Variants in SLC6A17 observed in about 807,000 individuals in gnomAD.
SLC6A17 encodes solute carrier family 6 member 17.
In SLC6A17, 21 loss-of-function variants were observed where a neutral mutation model predicts 64.5. The ratio of observed to expected loss-of-function variants is 0.33; its 90% CI spans 0.23 to 0.47. The LOEUF is 0.47. Ranked by LOEUF, SLC6A17 falls within the 20% of genes least tolerant of loss-of-function variation. The probability of loss-of-function intolerance (pLI) is 1.00; values close to 1 mark genes in which losing one functional copy is unlikely to be tolerated. For missense variants in SLC6A17, 682 were observed against 963.2 expected (o/e 0.71, Z 3.86); for synonymous variants, 372 against 399.5 (o/e 0.93, Z 0.82).
At chr1:110,177,846 C>T (rs1656412884) in intron 6 of SLC6A17, 1 of 152,274 alleles carries the variant, frequency 6.6e-6, no homozygotes, top group Non-Finnish European at 1.5e-5. Context: ...CTCCTGATGT[C>T]TCAGGGGTAG....
At chr1:110,181,295 A>G (rs1656516037) in intron 6 of SLC6A17, among the ~76,000 whole-genome samples, 1 of 152,250 alleles carries the variant, frequency 6.6e-6, no homozygotes, top group African/African-American at 2.4e-5. Context: ...CAGCCCAGCA[A>G]TTTAACTTCT....
intron 1 of SLC6A17, among the ~76,000 whole-genome samples, chr1:110,151,540 G>T (rs1414961129): frequency 6.6e-6 from 1 of 152,196 alleles, no homozygotes; most frequent in Non-Finnish European, 1.5e-5. Flanking sequence ...CGCCGTCCTG[G>T]CGGGTCGAGA....
In SLC6A17 at chr1:110,198,535, C is replaced by G; in HGVS notation, c.*91C>G. The G allele has an allele frequency of 6.6e-7, 1 of 1,513,404 alleles. No homozygotes were observed. Among genetic ancestry groups the G allele is most frequent in the Non-Finnish European group, 8.8e-7 (1 of 1,136,964 alleles). The allele number at this position is 1,513,404 out of a possible 1,614,324, so 93.7% of individuals were successfully genotyped here. ...TCTTTCTTGAGGTGGCCACCAGGCCCAGGCCAGGCCCTTTGCCCAAGAAGA... is the reference window on the plus strand; with the variant it reads ...TCTTTCTTGAGGTGGCCACCAGGCCGAGGCCAGGCCCTTTGCCCAAGAAGA... On this transcript the variant is annotated 3_prime_UTR_variant, in exon 12 of 12. Coordinates refer to ENST00000331565, the MANE Select transcript of SLC6A17 (RefSeq NM_001010898.4).
intron 6 of SLC6A17, chr1:110,178,766 T>C (rs1401826770): frequency 6.6e-6 from 1 of 152,208 alleles, no homozygotes; most frequent in East Asian, 1.9e-4. Context: ...CCTCTTTTTA[T>C]AGGGGCACTA....
chr1:110,189,479 C>T (rs1656771018), intron 6 of SLC6A17, among the ~76,000 whole-genome samples: 1 of 152,198 alleles, frequency 6.6e-6, no homozygotes, highest in Non-Finnish European at 1.5e-5. Flanking sequence ...AGCCACTGTC[C>T]CCTCCAGCCT....
At chr1:110,183,298 T>C (rs1362085758) in intron 6 of SLC6A17, among the ~76,000 whole-genome samples, 3 of 152,226 alleles carry the variant, frequency 2.0e-5, no homozygotes, top group Admixed American at 6.5e-5. Flanking sequence ...TAAAAAGGAA[T>C]GAGGCAGTGA....
chr1:110,188,048 CTATT>C (rs1462933314), intron 6 of SLC6A17, among the ~76,000 whole-genome samples: 1 of 152,182 alleles, frequency 6.6e-6, no homozygotes, highest in Non-Finnish European at 1.5e-5. Context: ...AGATGTGAGG[CTATT>C]TATAGTCTTT....
chr1:110,184,168 T>C (rs900425220), intron 6 of SLC6A17, among the ~76,000 whole-genome samples: 2 of 152,170 alleles, frequency 1.3e-5, no homozygotes, highest in Middle Eastern at 3.2e-3. Context: ...CAGAGTGCAG[T>C]GGCGTGATCT....
chr1:110,167,671 A>G (rs1656105720), intron 2 of SLC6A17, among the ~76,000 whole-genome samples: 1 of 152,210 alleles, frequency 6.6e-6, no homozygotes, highest in Non-Finnish European at 1.5e-5. Context: ...TAAGGGCTTA[A>G]TGGATATTAG....
At chr1:110,190,892 T>C (rs921641062) in intron 6 of SLC6A17, among the ~76,000 whole-genome samples, 1 of 152,232 alleles carries the variant, frequency 6.6e-6, no homozygotes, top group African/African-American at 2.4e-5. Flanking sequence ...CTGCCCCGAC[T>C]AACCAGCTCC....
At chr1:110,163,018 TAAAAAAAAA>T (rs67702050) in intron 1 of SLC6A17, among the ~76,000 whole-genome samples, 1 of 102,204 alleles carries the variant, frequency 9.8e-6, no homozygotes, top group African/African-American at 3.9e-5. Context: ...CCCATGTTGG[TAAAAAAAAA>T]AAAAAAAAAA....
intron 1 of SLC6A17, among the ~76,000 whole-genome samples, chr1:110,165,259 C>G (rs1277549618): frequency 6.6e-6 from 1 of 152,164 alleles, no homozygotes. Context: ...AACACGGCAG[C>G]CCTGGGGGGA....
intron 6 of SLC6A17, among the ~76,000 whole-genome samples, chr1:110,184,513 G>A (rs182524621): frequency 7.2e-5 from 11 of 152,250 alleles, no homozygotes; most frequent in South Asian, 4.2e-4. Flanking sequence ...TGGAGAGGTC[G>A]GTACTCTCAT....
chr1:110,173,906 G>GAA, intron 3 of SLC6A17, 67 bp from the exon 4 acceptor site: 6 of 1,526,948 alleles, frequency 3.9e-6, no homozygotes, highest in Admixed American at 2.0e-5. Context: ...CTGGGCCTCG[G>GAA]GTGGAGCGTG....
intron 1 of SLC6A17, among the ~76,000 whole-genome samples, chr1:110,160,191 C>A (rs1488390197): frequency 1.3e-5 from 2 of 152,282 alleles, no homozygotes; most frequent in Non-Finnish European, 1.5e-5. Flanking sequence ...GCTTCCAAGT[C>A]TTGGGGCTCT....
At position 110,200,327 on chromosome 1, in the gene SLC6A17, T is replaced by G. The variant is rs553658030; in HGVS notation, c.*1883T>G. 1 of 377,472 alleles carries G rather than the reference T, an allele frequency of 2.6e-6. No homozygotes were observed. Among genetic ancestry groups the G allele is most frequent in the African/African-American group, 2.1e-5 (1 of 47,912 alleles). 23.4% of individuals were successfully genotyped at this position (377,472 alleles called of 1,614,324 possible). On this transcript the variant is annotated 3_prime_UTR_variant, in exon 12 of 12. Coordinates refer to ENST00000331565, the MANE Select transcript of SLC6A17 (RefSeq NM_001010898.4). ...TTGAGGGGAGAGAGAGACCCACATCTCCCCAAAGAGATGAGCTTTTGGGGC... is the reference window on the plus strand; with the variant it reads ...TTGAGGGGAGAGAGAGACCCACATCGCCCCAAAGAGATGAGCTTTTGGGGC...
intron 1 of SLC6A17, among the ~76,000 whole-genome samples, chr1:110,155,417 C>T (rs1210387253): frequency 1.3e-5 from 2 of 152,210 alleles, no homozygotes; most frequent in Non-Finnish European, 2.9e-5. Context: ...TTACTGTATA[C>T]ACTTACTCTC....
rs1376357596 is a variant in SLC6A17 at position 110,199,922 on chromosome 1, G to A, written c.*1478G>A. 24 of 385,844 alleles carry A rather than the reference G, an allele frequency of 6.2e-5. No individual in the cohort carries two copies. The highest frequency in any genetic ancestry group is 4.9e-4 in the African/African-American group (23 of 46,968). 23.9% of individuals were successfully genotyped at this position (385,844 alleles called of 1,614,324 possible). On this transcript the variant is annotated 3_prime_UTR_variant, in exon 12 of 12. Transcript: ENST00000331565. The stretch of plus-strand genomic sequence containing the variant: ...GGATAGATGGATGGATGGATGGATG[G>A]ATGGGTTGGGGGGTGGGGGTGGATG...
At chr1:110,196,242 C>G (rs1571004554) in intron 10 of SLC6A17, among the ~76,000 whole-genome samples, 1 of 152,240 alleles carries the variant, frequency 6.6e-6, no homozygotes, top group African/African-American at 2.4e-5. Flanking sequence ...TGTACACTTA[C>G]TGTAAACTCT....
Sources: gnomAD v4.1 joint callset for allele counts (sites outside exome capture counted in the v4.1 genomes callset) on GRCh38, gnomAD v4.1.1 for gene constraint, MANE v1.5 for transcripts, NCBI Gene and HGNC (gene_info 2026-07-23, HGNC 2026-07-21) for gene names.